CST1: variants seen among roughly 807,000 people sequenced by gnomAD.
The protein encoded by CST1 is cystatin-SN.
In CST1, 19 loss-of-function variants were observed where a neutral mutation model predicts 10.7. That is an observed-to-expected ratio of 1.78 (90% CI 1.24 to 2.61). CST1 has a LOEUF of 2.61. Among genes scored for constraint, CST1 ranks in the 30% most tolerant of loss-of-function variants. The pLI, the probability that CST1 is intolerant of heterozygous loss-of-function variation, is 0.00. For missense variants in CST1, 247 were observed against 178.1 expected (o/e 1.39, Z -2.20); for synonymous variants, 95 against 72.8 (o/e 1.31, Z -1.55).
chr20:23,748,927 C>CAT, intron 2 of CST1, 89 bp downstream of exon 2: 1 of 1,342,986 alleles, frequency 7.4e-7, no homozygotes, highest in South Asian at 1.2e-5. Context: ...TGCACACACA[C>CAT]ACCCTCCAAA....
rs1982699599 is a variant in CST1 at position 23,747,718 on chromosome 20, G to C, written c.*98C>G. ...CTGTCTCTTGGCGCAGGCACATGGGGAGGCCTCCCGCAGGGTGGGGGCCAC... is the reference window on the plus strand; with the variant it reads ...CTGTCTCTTGGCGCAGGCACATGGGCAGGCCTCCCGCAGGGTGGGGGCCAC... On this transcript the variant is annotated 3_prime_UTR_variant, in exon 3 of 3. Transcript: ENST00000304749. 1 of 1,158,808 alleles carries C rather than the reference G, an allele frequency of 8.6e-7. No individual in the cohort carries two copies. Among genetic ancestry groups the C allele is most frequent in the Non-Finnish European group, 1.3e-6 (1 of 794,728 alleles). The allele number at this position is 1,158,808 out of a possible 1,614,324, so 71.8% of individuals were successfully genotyped here. A position where few individuals can be genotyped will look rare whatever the true frequency, so the allele number is the denominator to read the frequency against.
intron 2 of CST1, 142 bp downstream of exon 2, chr20:23,748,874 A>G (rs1296643071): frequency 6.1e-6 from 4 of 651,246 alleles, no homozygotes; most frequent in African/African-American, 5.5e-5. Context: ...AAGTACATGA[A>G]CACGTACACA....
chr20:23,748,926 A>C, intron 2 of CST1, 90 bp downstream of exon 2: 1 of 1,330,622 alleles, frequency 7.5e-7, no homozygotes, highest in South Asian at 1.2e-5. Context: ...CTGCACACAC[A>C]CACCCTCCAA....
At chr20:23,750,494 G>T (rs1568748279) in intron 1 of CST1, 145 bp downstream of exon 1, 3 of 776,334 alleles carry the variant, frequency 3.9e-6, no homozygotes, top group East Asian at 5.3e-5. Context: ...GGCATGAAGG[G>T]CATCAGCGGA....
Position 23,747,850 on chromosome 20 carries a change from C to A in CST1, c.392G>T (p.Arg131Met), listed in dbSNP as rs3188320. 2.1e-5 allele frequency: 34 copies of A among 1,614,002 alleles called. No individual in the cohort carries two copies. Among genetic ancestry groups the A allele is most frequent in the Non-Finnish European group, 2.5e-5 (30 of 1,179,902 alleles). ...TTGACACCTGGATTTCACCAGGGAC[C>A]TTCTGTTCTCCCAGGGAACTTCGTA... Reference protein sequence around the residue: ...EIYEVPWENRRSLVKSRCQES With the variant: ...EIYEVPWENRMSLVKSRCQES The change falls in exon 3 of 3, where the codon AGG becomes ATG. Residue 131 changes from arginine (R) to methionine (M), a missense_variant. Physicochemically the swap from Arg to Met is moderately conservative, Grantham distance 91. Coordinates refer to ENST00000304749, the MANE Select transcript of CST1 (RefSeq NM_001898.3).
At chr20:23,749,520 A>G (rs1332696745) in intron 1 of CST1, among the ~76,000 whole-genome samples, 7 of 152,172 alleles carry the variant, frequency 4.6e-5, no homozygotes, top group African/African-American at 1.7e-4. Flanking sequence ...GATATTTTGG[A>G]TCAATGGGGC....
chr20:23,750,801 G>A lies in CST1; in HGVS notation c.66C>T (p.Ser22=), dbSNP rs80263900. 3 of 1,613,946 alleles carry A rather than the reference G, an allele frequency of 1.9e-6. No homozygotes were observed. The highest frequency in any genetic ancestry group is 2.7e-5 in the African/African-American group (2 of 74,904). The change falls in exon 1 of 3, where the codon AGC becomes AGT. Residue 22 remains serine (S), a synonymous_variant. Coordinates refer to ENST00000304749, the MANE Select transcript of CST1 (RefSeq NM_001898.3). ...LATLAVALAW[S]PKEEDRIIPG... Reference sequence around the variant, plus strand: ...GGATTATCCTATCCTCCTCCTTGGGGCTCCAGGCCAGGGCCACAGCTAGGG... The same window carrying A: ...GGATTATCCTATCCTCCTCCTTGGGACTCCAGGCCAGGGCCACAGCTAGGG...
rs1182672334 is a variant in CST1 at position 23,747,768 on chromosome 20, G to A, written c.*48C>T. 16 of 1,579,370 alleles carry A rather than the reference G, an allele frequency of 1.0e-5. No homozygotes were observed. The highest frequency in any genetic ancestry group is 1.7e-5 in the Admixed American group (1 of 59,248). On this transcript the variant is annotated 3_prime_UTR_variant, in exon 3 of 3. Transcript: ENST00000304749. ...CCAGTCCAGGGGTGGGAGCACTACAGGGGGTGGGAGTGGGTGGTGGCTGGT... is the reference window on the plus strand; with the variant it reads ...CCAGTCCAGGGGTGGGAGCACTACAAGGGGTGGGAGTGGGTGGTGGCTGGT...
Position 23,747,743 on chromosome 20 carries a change from C to T in CST1, c.*73G>A. 1 of 1,477,786 alleles carries T rather than the reference C, an allele frequency of 6.8e-7. No individual in the cohort carries two copies. The highest frequency in any genetic ancestry group is 9.4e-7 in the Non-Finnish European group (1 of 1,068,596). The allele number at this position is 1,477,786 out of a possible 1,614,324, so 91.5% of individuals were successfully genotyped here. A position where few individuals can be genotyped will look rare whatever the true frequency, so the allele number is the denominator to read the frequency against. ...GAGGCCTCCCGCAGGGTGGGGGCCA[C>T]CAGTCCAGGGGTGGGAGCACTACAG... On this transcript the variant is annotated 3_prime_UTR_variant, in exon 3 of 3. Transcript: ENST00000304749.
rs117238940 is a variant in CST1, at chr20:23,750,752, G to C, written c.115C>G (p.Leu39Val). The change falls in exon 1 of 3, where the codon CTC becomes GTC. Residue 39 changes from leucine (L) to valine (V), a missense_variant. By Grantham distance (32) the Leu-to-Val change is conservative. Coordinates refer to ENST00000304749, the MANE Select transcript of CST1 (RefSeq NM_001898.3). ...GCACGCTGTACCCACTCATCATTGAGGTCTGCGTTATAGATGCCACCCGGG... is the reference window on the plus strand; with the variant it reads ...GCACGCTGTACCCACTCATCATTGACGTCTGCGTTATAGATGCCACCCGGG... Reference protein sequence around the residue: ...IIPGGIYNADLNDEWVQRALH... With the variant: ...IIPGGIYNADVNDEWVQRALH... The C allele has an allele frequency of 3.0e-5, 49 of 1,614,166 alleles. No homozygotes were observed. In the East Asian group the frequency reaches 1.0e-3, roughly 34 times the overall value.
chr20:23,748,488 G>A (rs1274220331), intron 2 of CST1, among the ~76,000 whole-genome samples: 1 of 152,106 alleles, frequency 6.6e-6, no homozygotes, highest in East Asian at 1.9e-4. Flanking sequence ...CTGCATGCAG[G>A]TGCCTGAGGC....
In CST1 at chr20:23,750,724, A is replaced by G. The variant is rs528575607; in HGVS notation, c.143T>C (p.Leu48Pro). ...GTTATACTCGCTGATGGCGAAGTGA[A>G]GGGCACGCTGTACCCACTCATCATT... is the stretch of plus-strand genomic sequence containing the variant. Reference protein sequence around the residue: ...DLNDEWVQRALHFAISEYNKA... With the variant: ...DLNDEWVQRAPHFAISEYNKA... Residue 48 changes from leucine (L) to proline (P), a missense_variant, in exon 1 of 3, where the codon CTT (leucine) becomes CCT (proline). Transcript: ENST00000304749. 3 of 1,614,170 alleles carry G rather than the reference A, an allele frequency of 1.9e-6. No homozygotes were observed. The highest frequency in any genetic ancestry group is 1.7e-4 in the Middle Eastern group (1 of 6,058).
At chr20:23,750,237 T>C (rs1982792776) in intron 1 of CST1, among the ~76,000 whole-genome samples, 1 of 152,138 alleles carries the variant, frequency 6.6e-6, no homozygotes. Context: ...GGGGCGTGAC[T>C]TGGGGAAGCA....
chr20:23,748,970 C>A, intron 2 of CST1, 46 bp downstream of exon 2: 1 of 1,604,744 alleles, frequency 6.2e-7, no homozygotes, highest in Non-Finnish European at 8.5e-7. Flanking sequence ...ACATACGCAC[C>A]CCTCTGCAGT....
Position 23,750,904 on chromosome 20 carries a change from G to A in CST1, c.-38C>T. The A allele has an allele frequency of 6.5e-6, 10 of 1,545,406 alleles. No individual in the cohort carries two copies. Among genetic ancestry groups the A allele is most frequent in the Non-Finnish European group, 8.8e-6 (10 of 1,136,160 alleles). Reference sequence around the variant, plus strand: ...GGCAGAGCACAAAGCTGGAGCTGCAGGAGAGGAGGGTGAGAGCCCGAGGCA... The same window carrying A: ...GGCAGAGCACAAAGCTGGAGCTGCAAGAGAGGAGGGTGAGAGCCCGAGGCA... On this transcript the variant is annotated 5_prime_UTR_variant, in exon 1 of 3. Transcript: ENST00000304749.
rs374004963 is a variant in CST1 at position 23,750,880 on chromosome 20, G to T, written c.-14C>A. ...ATACTGGGCCATGGTCTCCTCAGAGGCAGAGCACAAAGCTGGAGCTGCAGG... is the reference window on the plus strand; with the variant it reads ...ATACTGGGCCATGGTCTCCTCAGAGTCAGAGCACAAAGCTGGAGCTGCAGG... On this transcript the variant is annotated 5_prime_UTR_variant, in exon 1 of 3. Coordinates refer to ENST00000304749, the MANE Select transcript of CST1 (RefSeq NM_001898.3). 4.4e-6 allele frequency: 7 copies of T among 1,593,166 alleles called. No individual in the cohort carries two copies. The highest frequency in any genetic ancestry group is 6.0e-6 in the Non-Finnish European group (7 of 1,168,264).
chr20:23,749,777 C>G (rs73902166), intron 1 of CST1, among the ~76,000 whole-genome samples: 3,720 of 151,280 alleles, frequency 0.025, 151 homozygotes, highest in African/African-American at 0.086. Flanking sequence ...GCCTGATGGT[C>G]TGCAATGCCC....
chr20:23,747,751 G>A lies in CST1; in HGVS notation c.*65C>T, dbSNP rs1238626174. On this transcript the variant is annotated 3_prime_UTR_variant, in exon 3 of 3. Transcript: ENST00000304749. ...CCGCAGGGTGGGGGCCACCAGTCCA[G>A]GGGTGGGAGCACTACAGGGGGTGGG... 6.6e-7 allele frequency: 1 copy of A among 1,519,588 alleles called. No individual in the cohort carries two copies. Among genetic ancestry groups the A allele is most frequent in the Non-Finnish European group, 9.1e-7 (1 of 1,101,930 alleles). The allele number at this position is 1,519,588 out of a possible 1,614,324, so 94.1% of individuals were successfully genotyped here. A position where few individuals can be genotyped will look rare whatever the true frequency, so the allele number is the denominator to read the frequency against.
rs746147492 is a variant in CST1, at chr20:23,749,102, C to T, written c.256G>A (p.Asp86Asn). 12 of 1,613,994 alleles carry T rather than the reference C, an allele frequency of 7.4e-6. No homozygotes were observed. The East Asian group carries it at 1.6e-4, about 21-fold the overall frequency. ...CATATGGTGCGGCCCACCTCTACGT[C>T]GAAGAAGTAATTCACCCCCCCAACG... ...QTVGGVNYFF[D>N]VEVGRTICTK... The change falls in exon 2 of 3, where the codon GAC becomes AAC. Residue 86 changes from aspartate to asparagine, a missense_variant. Coordinates refer to ENST00000304749, the MANE Select transcript of CST1 (RefSeq NM_001898.3).
Sources: gnomAD v4.1 joint callset for allele counts (sites outside exome capture counted in the v4.1 genomes callset) on GRCh38, gnomAD v4.1.1 for gene constraint, MANE v1.5 for transcripts, NCBI Gene and HGNC (gene_info 2026-07-23, HGNC 2026-07-21) for gene names.